The following FAN1 variants were observed in gnomAD, a reference collection of about 807,000 sequenced individuals.
The protein encoded by FAN1 is FANCD2 and FANCI associated nuclease 1, also known as fanconi-associated nuclease 1.
A neutral mutation model predicts 104.9 loss-of-function variants in FAN1; 91 were observed. The observed-to-expected ratio is 0.87, with a 90% CI of 0.73 to 1.03. FAN1 has a LOEUF of 1.03. FAN1 is among the 50% of genes least tolerant of loss of function. The probability of loss-of-function intolerance (pLI) is 0.00; values close to 1 mark genes in which losing one functional copy is unlikely to be tolerated. For missense variants in FAN1, 1,263 were observed against 1,239.9 expected, an observed-to-expected ratio of 1.02 and a Z score of -0.28; for synonymous variants, 478 against 457.6, an observed-to-expected ratio of 1.04 and a Z score of -0.57.
At chr15:30,922,114 C>T (rs1279363818) in intron 7 of FAN1, 121 bp from the exon 8 acceptor site, 12 of 1,301,342 alleles carry the variant, frequency 9.2e-6, no homozygotes, top group Non-Finnish European at 1.3e-5. Flanking sequence ...TCCTTGGCCT[C>T]ATTGTAGAAT....
rs775016653 is a variant in FAN1, at chr15:30,941,629, G to A, written c.*67G>A. 4 of 1,607,128 alleles carry A rather than the reference G, an allele frequency of 2.5e-6. No homozygotes were observed. Among genetic ancestry groups the A allele is most frequent in the Non-Finnish European group, 2.5e-6 (3 of 1,176,672 alleles). ...ACTCCGGTGTCCCCGAGGTGTCGGT[G>A]TGGTGAGGGCCGCTGGCGTTGAAGT... is the stretch of plus-strand genomic sequence containing the variant. On this transcript the variant is annotated 3_prime_UTR_variant, in exon 15 of 15. Transcript: ENST00000362065.
intron 1 of FAN1, 33 bp from the exon 2 acceptor site, chr15:30,904,479 A>C: frequency 2.7e-6 from 2 of 728,378 alleles, no homozygotes; most frequent in Non-Finnish European, 2.4e-6. Flanking sequence ...ATTCATAAAA[A>C]TGTTTTTAAT....
At chr15:30,935,439 G>A (rs566193568) in intron 13 of FAN1, among the ~76,000 whole-genome samples, 19 of 151,842 alleles carry the variant, frequency 1.3e-4, no homozygotes, top group Admixed American at 5.2e-4. Context: ...GAAAGTATTT[G>A]GAAAAAAGAA....
chr15:30,940,862 T>TAACA, intron 14 of FAN1: 1 of 991,812 alleles, frequency 1.0e-6, no homozygotes, highest in Middle Eastern at 5.2e-4. Flanking sequence ...GCTTTAAAAT[T>TAACA]AACAGTGCAT....
chr15:30,925,050 T>C (rs1183835107), intron 8 of FAN1, 77 bp from the exon 9 acceptor site: 1 of 1,468,760 alleles, frequency 6.8e-7, no homozygotes, highest in African/African-American at 1.4e-5. Flanking sequence ...AACAGTGGGC[T>C]TTTCTGTCAA....
rs1486556564 is a variant in FAN1 at position 30,941,675 on chromosome 15, T to TC, written c.*117dup. 6.2e-7 allele frequency: 1 copy of TC among 1,613,560 alleles called. No homozygotes were observed. Among genetic ancestry groups the TC allele is most frequent in the Admixed American group, 1.7e-5 (1 of 59,928 alleles). On this transcript the variant is annotated 3_prime_UTR_variant, in exon 15 of 15. Coordinates refer to ENST00000362065, the MANE Select transcript of FAN1 (RefSeq NM_014967.5). ...GAAGTACATCCTGCTCTGGCCCAGC[T>TC]CCCCATAGCAGGCCTCCAGGGGGCC...
At chr15:30,909,510 A>G (rs766319413) in intron 3 of FAN1, among the ~76,000 whole-genome samples, 1 of 152,182 alleles carries the variant, frequency 6.6e-6, no homozygotes. Context: ...CCGTAAATTC[A>G]TATGTCTGAC....
Position 30,941,290 on chromosome 15 carries a change from A to C in FAN1, c.*4-276A>C, listed in dbSNP as rs1026362850. On this transcript the variant is annotated intron_variant, in intron 14 of 14. Coordinates refer to ENST00000362065, the MANE Select transcript of FAN1 (RefSeq NM_014967.5). The stretch of plus-strand genomic sequence containing the variant: ...GAAAGAGGACAGGAACAAAATTTAC[A>C]TCTCTCTTAAAATAAGTGTGAAAGA... 10 of 1,510,862 alleles carry C rather than the reference A, an allele frequency of 6.6e-6. No homozygotes were observed. The South Asian group carries it at 7.2e-5, about 11-fold the overall frequency. The allele number at this position is 1,510,862 out of a possible 1,614,324, so 93.6% of individuals were successfully genotyped here. A position where few individuals can be genotyped will look rare whatever the true frequency, so the allele number is the denominator to read the frequency against.
rs751678610 is a variant in FAN1, at chr15:30,905,180, G to A, written c.517G>A (p.Asp173Asn). 3 of 1,613,660 alleles carry A rather than the reference G, an allele frequency of 1.9e-6. No homozygotes were observed. Among genetic ancestry groups the A allele is most frequent in the South Asian group, 1.1e-5 (1 of 91,082 alleles). Residue 173 changes from aspartate to asparagine, a missense_variant, in exon 2 of 15, where the codon GAT becomes AAT. Asp to Asn is a conservative substitution (Grantham distance 23, BLOSUM62 1). Around this residue, in one of 2 missense-constraint regions of FAN1, gnomAD observed 682 missense variants for 571.1 expected, o/e 1.19. Transcript: ENST00000362065. ...YVKAKKSIDK[D>N]EEFAGSSPQS... ...AAAGGCTAAAAAATCAATAGATAAGGATGAAGAATTTGCCGGTTCTAGTCC... is the reference window on the plus strand; with the variant it reads ...AAAGGCTAAAAAATCAATAGATAAGAATGAAGAATTTGCCGGTTCTAGTCC...
At chr15:30,925,327 C>T (rs560305617) in intron 9 of FAN1, 36 bp downstream of exon 9, 164 of 1,582,442 alleles carry the variant, frequency 1.0e-4, no homozygotes, top group Middle Eastern at 3.4e-4. Flanking sequence ...TGGACTTAGG[C>T]GCGTGTACCT....
chr15:30,938,422 G>A (rs1277438731), intron 14 of FAN1, among the ~76,000 whole-genome samples: 1 of 152,120 alleles, frequency 6.6e-6, no homozygotes, highest in Admixed American at 6.5e-5. Context: ...TCTACTGATT[G>A]GGCCCGGATC....
intron 2 of FAN1, chr15:30,906,331 C>T (rs1160928542): frequency 6.5e-6 from 3 of 458,766 alleles, no homozygotes; most frequent in Middle Eastern, 3.2e-4. Context: ...GAAAACAAAC[C>T]AACCTGAGGC....
intron 10 of FAN1, 47 bp from the exon 11 acceptor site, chr15:30,928,506 T>TTTTGTGTG (rs143970863): frequency 3.4e-6 from 5 of 1,483,544 alleles, no homozygotes; most frequent in Non-Finnish European, 4.5e-6. Context: ...AAAACAGATT[T>TTTTGTGTG]TGTGTGTGTG....
chr15:30,905,031 A>T lies in FAN1; in HGVS notation c.368A>T (p.Gln123Leu), dbSNP rs755268646. 6.2e-7 allele frequency: 1 copy of T among 1,614,014 alleles called. No homozygotes were observed. Among genetic ancestry groups the T allele is most frequent in the Non-Finnish European group, 8.5e-7 (1 of 1,180,018 alleles). ...GATTCAGCAAAAAGGGAAGTAAAGC[A>T]GAAGATCAGTCCCTACTTTAAAAGT... is the stretch of plus-strand genomic sequence containing the variant. The part of the protein sequence containing the change: ...QSDSAKREVK[Q>L]KISPYFKSND... Residue 123 changes from glutamine to leucine, a missense_variant, in exon 2 of 15, where the codon CAG (glutamine) becomes CTG (leucine). Gln to Leu is a moderately radical substitution (Grantham distance 113). This residue lies in a region of FAN1 where 682 missense variants were observed against 571.1 expected (regional missense o/e 1.19). Transcript: ENST00000362065.
chr15:30,935,044 G>A (rs956856307), intron 13 of FAN1, among the ~76,000 whole-genome samples: 4 of 152,006 alleles, frequency 2.6e-5, no homozygotes, highest in Middle Eastern at 3.4e-3. Context: ...TTCCTTTCAC[G>A]CCTGTAATTC....
At chr15:30,929,740 T>A (rs188448806) in intron 12 of FAN1, among the ~76,000 whole-genome samples, 1 of 48,942 alleles carries the variant, frequency 2.0e-5, no homozygotes, top group Non-Finnish European at 3.0e-5. Flanking sequence ...TATAATATAT[T>A]ATATCATATA....
Position 30,929,281 on chromosome 15 carries a change from C to G in FAN1, c.2671C>G (p.His891Asp), listed in dbSNP as rs756216425. The change falls in exon 12 of 15, where the codon CAT becomes GAT. Residue 891 changes from histidine to aspartate, a missense_variant. This residue lies in a region of FAN1 where 581 missense variants were observed against 668.8 expected (regional missense o/e 0.87). Coordinates refer to ENST00000362065, the MANE Select transcript of FAN1 (RefSeq NM_014967.5). ...CCTTGAGGCCAGGCTGCAGCTGATT[C>G]ATGATGCCCCCGAGGAGAGCCTGCG... Reference protein sequence around the residue: ...PALEARLQLIHDAPEESLRAW... With the variant: ...PALEARLQLIDDAPEESLRAW... The G allele has an allele frequency of 1.9e-6, 3 of 1,613,318 alleles. No homozygotes were observed. The highest frequency in any genetic ancestry group is 2.2e-5 in the South Asian group (2 of 90,974).
At chr15:30,935,744 C>T (rs57499412) in intron 13 of FAN1, among the ~76,000 whole-genome samples, 3,624 of 151,932 alleles carry the variant, frequency 0.024, 141 homozygotes, top group African/African-American at 0.083. Context: ...ATATTTTCTC[C>T]GTGCAATGAA....
chr15:30,925,681 G>C, intron 9 of FAN1, 108 bp from the exon 10 acceptor site: 1 of 1,258,716 alleles, frequency 7.9e-7, no homozygotes, highest in Non-Finnish European at 1.1e-6. Flanking sequence ...GCTCTACTAA[G>C]TGACTGACTT....
Sources: allele counts gnomAD v4.1 joint callset (sites outside exome capture counted in the v4.1 genomes callset), GRCh38; gene constraint gnomAD v4.1.1; regional missense constraint gnomAD v4.1.1; transcripts MANE v1.5; gene names NCBI Gene and HGNC (gene_info 2026-07-23, HGNC 2026-07-21).